The following PRKAR1A variants were observed in gnomAD, a reference collection of about 807,000 sequenced individuals.
The protein encoded by PRKAR1A is cAMP-dependent protein kinase type I-alpha regulatory subunit.
PRKAR1A carries 3 observed loss-of-function variants against 52.0 expected under a neutral mutation model. The ratio of observed to expected loss-of-function variants is 0.06; its 90% CI spans 0.03 to 0.15. PRKAR1A has a LOEUF of 0.15. PRKAR1A is among the 10% of genes least tolerant of loss of function. The pLI is 1.00. For synonymous variants in PRKAR1A, 188 were observed against 168.4 expected, an observed-to-expected ratio of 1.12 and a Z score of -0.90; for missense variants, 240 against 477.4, an observed-to-expected ratio of 0.50 and a Z score of 4.63.
chr17:68,523,556 T>C (rs1299740392), intron 3 of PRKAR1A, among the ~76,000 whole-genome samples, 169 bp from the exon 4 acceptor site: 1 of 152,236 alleles, frequency 6.6e-6, no homozygotes, highest in Non-Finnish European at 1.5e-5. Context: ...TCAATACTTG[T>C]TGAGTAGTTT....
the PRKAR1A span, among the ~76,000 whole-genome samples, chr17:68,432,060 A>T: frequency 3.8e-3 from 574 of 152,334 alleles, 2 homozygotes; most frequent in Non-Finnish European, 5.5e-3. Context: ...AGAAAATCCT[A>T]AAAAGTGGAT....
At chr17:68,493,069 T>A in the PRKAR1A span, among the ~76,000 whole-genome samples, 1 of 150,942 alleles carries the variant, frequency 6.6e-6, no homozygotes, top group South Asian at 2.1e-4. Flanking sequence ...TGCCTCTAGG[T>A]CTTTGAGGAA....
chr17:68,508,181 T>C (rs769336461), upstream of PRKAR1A, among the ~76,000 whole-genome samples: 3 of 152,198 alleles, frequency 2.0e-5, no homozygotes, highest in Non-Finnish European at 4.4e-5. Context: ...GATTTTGGAC[T>C]GTATATACCC....
the PRKAR1A span, among the ~76,000 whole-genome samples, chr17:68,480,201 C>T: frequency 6.6e-6 from 1 of 152,038 alleles, no homozygotes; most frequent in East Asian, 1.9e-4. Flanking sequence ...TCTTTAATGT[C>T]TTCGATTATG....
At chr17:68,479,038 T>A in the PRKAR1A span, among the ~76,000 whole-genome samples, 1 of 152,240 alleles carries the variant, frequency 6.6e-6, no homozygotes, top group Non-Finnish European at 1.5e-5. Context: ...TAGGCAGTCT[T>A]AATCCATTTC....
At chr17:68,442,743 C>T in the PRKAR1A span, among the ~76,000 whole-genome samples, 1 of 152,304 alleles carries the variant, frequency 6.6e-6, no homozygotes, top group East Asian at 1.9e-4. Flanking sequence ...ATCAGAAGAG[C>T]ACATGCTCCC....
chr17:68,542,803 C>T, intron 11 of PRKAR1A: 1 of 1,612,650 alleles, frequency 6.2e-7, no homozygotes, highest in Non-Finnish European at 8.5e-7. Context: ...GTCGGAAGTC[C>T]AGAATCCTGC....
the PRKAR1A span, among the ~76,000 whole-genome samples, chr17:68,474,829 C>T: frequency 7.2e-5 from 11 of 152,078 alleles, no homozygotes; most frequent in South Asian, 2.3e-3. Context: ...TGCAGTGAGC[C>T]GAGATCGCGC....
At chr17:68,417,637 T>C in the PRKAR1A span, among the ~76,000 whole-genome samples, 1 of 151,828 alleles carries the variant, frequency 6.6e-6, no homozygotes, top group Non-Finnish European at 1.5e-5. Context: ...TGTTAAGTTG[T>C]GATTGTTTCT....
intron 1 of PRKAR1A, chr17:68,512,988 C>T (rs979342597): frequency 5.2e-5 from 8 of 152,418 alleles, no homozygotes; most frequent in African/African-American, 1.4e-4. Flanking sequence ...GGTAGTTTTC[C>T]TCTCCACTTT....
chr17:68,457,863 C>T, the PRKAR1A span, among the ~76,000 whole-genome samples: 1 of 152,148 alleles, frequency 6.6e-6, no homozygotes, highest in African/African-American at 2.4e-5. Flanking sequence ...GCGGTGTTTT[C>T]ATTGCCGGAG....
the PRKAR1A span, among the ~76,000 whole-genome samples, chr17:68,466,235 C>T: frequency 6.6e-6 from 1 of 152,130 alleles, no homozygotes; most frequent in African/African-American, 2.4e-5. Context: ...GTGCGGGGAC[C>T]TGCCCTTTTA....
chr17:68,457,783 C>T, the PRKAR1A span, among the ~76,000 whole-genome samples: 2 of 152,212 alleles, frequency 1.3e-5, no homozygotes, highest in Admixed American at 1.3e-4. Context: ...GCTGGCGACC[C>T]GCCCCTGGCT....
the PRKAR1A span, among the ~76,000 whole-genome samples, chr17:68,460,471 A>T: frequency 1.8e-3 from 280 of 152,276 alleles, 2 homozygotes; most frequent in African/African-American, 6.2e-3. Context: ...CAAGGTTTGG[A>T]TCTAGAGCTA....
At chr17:68,542,623 T>G in intron 11 of PRKAR1A, 3 of 1,182,912 alleles carry the variant, frequency 2.5e-6, no homozygotes, top group Non-Finnish European at 3.8e-6. Flanking sequence ...AGGCCACTGA[T>G]GAATGGAGGG....
chr17:68,518,141 C>T (rs748728959), intron 2 of PRKAR1A, among the ~76,000 whole-genome samples: 12 of 152,230 alleles, frequency 7.9e-5, no homozygotes, highest in Non-Finnish European at 1.3e-4. Flanking sequence ...CTGGCTGCTT[C>T]CATGGGCAGG....
rs2143397794 is a variant in PRKAR1A, at chr17:68,531,159, A to ACTAACT, written c.*712_*717dup. ...TCTATACCTGCCTTTTAAGTTTGAA[A>ACTAACT]CTAACTCATAGATTGCAAATATTGG... On this transcript the variant is annotated 3_prime_UTR_variant, in exon 11 of 11. Coordinates refer to ENST00000589228, the MANE Select transcript of PRKAR1A (RefSeq NM_002734.5). 9.4e-7 allele frequency: 1 copy of ACTAACT among 1,066,242 alleles called. No individual in the cohort carries two copies. The highest frequency in any genetic ancestry group is 1.6e-5 in the African/African-American group (1 of 61,198). The allele number at this position is 1,066,242 out of a possible 1,614,324, so 66.0% of individuals were successfully genotyped here. A position where few individuals can be genotyped will look rare whatever the true frequency, so the allele number is the denominator to read the frequency against.
the PRKAR1A span, among the ~76,000 whole-genome samples, chr17:68,504,673 G>A: frequency 6.6e-6 from 1 of 152,184 alleles, no homozygotes; most frequent in Non-Finnish European, 1.5e-5. Context: ...GCAGAAGGAT[G>A]GTTACCAGTG....
At chr17:68,489,295 G>GTATATATA in the PRKAR1A span, among the ~76,000 whole-genome samples, 1 of 14,394 alleles carries the variant, frequency 6.9e-5, no homozygotes, top group Non-Finnish European at 1.1e-4. Context: ...TATATGGAAA[G>GTATATATA]TATATATATA....
Sources: allele counts gnomAD v4.1 joint callset (sites outside exome capture counted in the v4.1 genomes callset), GRCh38; gene constraint gnomAD v4.1.1; transcripts MANE v1.5; gene names NCBI Gene and HGNC (gene_info 2026-07-23, HGNC 2026-07-21).